The following GPM6A variants were observed in gnomAD, a reference collection of about 807,000 sequenced individuals.
GPM6A encodes glycoprotein M6A.
In GPM6A, 7 loss-of-function variants were observed where a neutral mutation model predicts 32.1. The ratio of observed to expected loss-of-function variants is 0.22; its 90% CI spans 0.12 to 0.41. The LOEUF (loss-of-function observed/expected upper bound fraction) is 0.41. GPM6A is among the 10% of genes least tolerant of loss of function. The pLI, the probability that GPM6A is intolerant of heterozygous loss-of-function variation, is 1.00. For synonymous variants in GPM6A, 130 were observed against 123.4 expected, an observed-to-expected ratio of 1.05 and a Z score of -0.35; for missense variants, 235 against 347.2, an observed-to-expected ratio of 0.68 and a Z score of 2.57.
intron 1 of GPM6A, among the ~76,000 whole-genome samples, chr4:175,870,672 A>G (rs1012725275): frequency 6.6e-6 from 1 of 151,956 alleles, no homozygotes; most frequent in African/African-American, 2.4e-5. Context: ...CCCACACCCT[A>G]TGTCATGGTG....
chr4:175,989,040 A>G (rs1741061386), intron 1 of GPM6A, among the ~76,000 whole-genome samples: 1 of 152,188 alleles, frequency 6.6e-6, no homozygotes, highest in Non-Finnish European at 1.5e-5. Flanking sequence ...GGAAGATCAT[A>G]TTAAAGCTAT....
chr4:175,866,865 A>G (rs1736757240), intron 1 of GPM6A, among the ~76,000 whole-genome samples: 1 of 152,166 alleles, frequency 6.6e-6, no homozygotes, highest in Non-Finnish European at 1.5e-5. Flanking sequence ...CGGTTATACC[A>G]TTTTGCATTC....
At chr4:175,991,275 C>CA (rs1206019503) in intron 1 of GPM6A, among the ~76,000 whole-genome samples, 2 of 150,170 alleles carry the variant, frequency 1.3e-5, no homozygotes, top group Non-Finnish European at 3.0e-5. Context: ...GGAGTTTCAC[C>CA]ATGTTGGCCA....
At chr4:175,797,397 C>T (rs576692968) in intron 1 of GPM6A, among the ~76,000 whole-genome samples, 1 of 152,178 alleles carries the variant, frequency 6.6e-6, no homozygotes, top group South Asian at 2.1e-4. Flanking sequence ...TTGAGATTGA[C>T]AATAGTATTA....
At chr4:175,990,266 C>G (rs944446406) in intron 1 of GPM6A, among the ~76,000 whole-genome samples, 1 of 152,074 alleles carries the variant, frequency 6.6e-6, no homozygotes, top group Non-Finnish European at 1.5e-5. Context: ...TCCATCACTC[C>G]CTGTAGGAAA....
intron 1 of GPM6A, among the ~76,000 whole-genome samples, chr4:175,894,729 C>T (rs55770215): frequency 0.049 from 7,506 of 152,130 alleles, 597 homozygotes; most frequent in African/African-American, 0.17. Flanking sequence ...AGGGGAGTGG[C>T]TAAATCATTT....
At chr4:175,834,730 C>T (rs1181884992) in intron 1 of GPM6A, among the ~76,000 whole-genome samples, 1 of 152,122 alleles carries the variant, frequency 6.6e-6, no homozygotes, top group Admixed American at 6.5e-5. Flanking sequence ...ACCAATCTTC[C>T]AAGTATTATT....
intron 2 of GPM6A, among the ~76,000 whole-genome samples, chr4:175,677,373 A>G (rs570196286): frequency 6.6e-6 from 1 of 152,142 alleles, no homozygotes; most frequent in Non-Finnish European, 1.5e-5. Flanking sequence ...CTACTTTTCT[A>G]TGTGCTAACA....
intron 3 of GPM6A, among the ~76,000 whole-genome samples, chr4:175,670,418 T>C (rs1742990035): frequency 6.6e-6 from 1 of 152,204 alleles, no homozygotes; most frequent in Admixed American, 6.5e-5. Context: ...GAAGGTCTCC[T>C]AATTTGCAGC....
At chr4:175,844,076 A>C (rs1326841400) in intron 1 of GPM6A, among the ~76,000 whole-genome samples, 1 of 151,884 alleles carries the variant, frequency 6.6e-6, no homozygotes, top group African/African-American at 2.4e-5. Context: ...TGACCACATC[A>C]CTCTGCTCCT....
Position 175,926,398 on chromosome 4 carries a change from C to A in GPM6A, c.-23+75911G>T, listed in dbSNP as rs867217242. ...CCTTAAGATTTAATATTTAAATTCTCTGTATTTAGAAATATATTGGATTGT... is the reference window on the plus strand; with the variant it reads ...CCTTAAGATTTAATATTTAAATTCTATGTATTTAGAAATATATTGGATTGT... On this transcript the variant is annotated intron_variant, in intron 1 of 7. Transcript: ENST00000280187. 7.2e-5 allele frequency among the ~76,000 whole-genome samples: 11 copies of A among 152,186 alleles called. 1 individual carries two copies. In the Middle Eastern group the frequency reaches 0.01, roughly 143 times the overall value.
rs541526609 is a variant in GPM6A, at chr4:175,797,529, T to C, written c.37+14662A>G. 2.6e-5 allele frequency among the ~76,000 whole-genome samples: 4 copies of C among 152,294 alleles called. No individual in the cohort carries two copies. In the East Asian group the frequency reaches 7.7e-4, roughly 29 times the overall value. ...TTGTTACATGCATTAGCATTTTCAA[T>C]AACCGTAGGCCATCTCAATCAATTT... On this transcript the variant is annotated intron_variant, in intron 1 of 6. Transcript: ENST00000393658.
chr4:175,730,514 A>G (rs1731374360), intron 1 of GPM6A, among the ~76,000 whole-genome samples: 2 of 150,716 alleles, frequency 1.3e-5, no homozygotes, highest in Non-Finnish European at 2.9e-5. Flanking sequence ...TCTGTCGCCC[A>G]GGCTGGAGTG....
At chr4:175,680,186 C>T (rs958893862) in intron 2 of GPM6A, among the ~76,000 whole-genome samples, 3 of 152,054 alleles carry the variant, frequency 2.0e-5, no homozygotes, top group African/African-American at 7.2e-5. Context: ...CATGTAACTG[C>T]ATAACAAATA....
intron 1 of GPM6A, among the ~76,000 whole-genome samples, chr4:175,718,241 T>G (rs1340431821): frequency 6.6e-6 from 1 of 152,188 alleles, no homozygotes; most frequent in African/African-American, 2.4e-5. Context: ...CAAAAATATT[T>G]TCATTTATAT....
At chr4:175,854,381 A>T (rs1027802533) in intron 1 of GPM6A, among the ~76,000 whole-genome samples, 3 of 152,296 alleles carry the variant, frequency 2.0e-5, no homozygotes, top group African/African-American at 7.2e-5. Context: ...GAAAGGTGAA[A>T]ATCCTAGGAC....
At chr4:175,895,864 T>C (rs1737780241) in intron 1 of GPM6A, among the ~76,000 whole-genome samples, 1 of 152,208 alleles carries the variant, frequency 6.6e-6, no homozygotes, top group African/African-American at 2.4e-5. Context: ...TAACTCTTCA[T>C]AATCATACCT....
intron 1 of GPM6A, among the ~76,000 whole-genome samples, chr4:175,905,572 C>T (rs781683849): frequency 6.6e-5 from 10 of 151,936 alleles, no homozygotes; most frequent in Non-Finnish European, 2.9e-5. Context: ...GGCACCTTCA[C>T]GAAGGGAAAT....
intron 2 of GPM6A, among the ~76,000 whole-genome samples, chr4:175,689,843 C>A (rs1744198706): frequency 6.6e-6 from 1 of 152,208 alleles, no homozygotes; most frequent in Non-Finnish European, 1.5e-5. Flanking sequence ...TAGGCTAGTT[C>A]TGTCACTGCT....
Sources: gnomAD v4.1 joint callset for allele counts (sites outside exome capture counted in the v4.1 genomes callset) on GRCh38, gnomAD v4.1.1 for gene constraint, MANE v1.5 for transcripts, NCBI Gene and HGNC (gene_info 2026-07-23, HGNC 2026-07-21) for gene names.